Variants in CCDC7 observed in about 807,000 individuals in gnomAD.
The protein encoded by CCDC7 is coiled-coil domain-containing protein 7.
In CCDC7, 183 loss-of-function variants were observed where a neutral mutation model predicts 196.9. The observed-to-expected ratio is 0.93, with a 90% CI of 0.82 to 1.05. The LOEUF (loss-of-function observed/expected upper bound fraction) is 1.05, where lower values mean the gene tolerates loss of function less well. CCDC7 is among the 50% of genes least tolerant of loss of function. The pLI is 0.00. For missense variants in CCDC7, 1,540 were observed against 1,482.2 expected, an observed-to-expected ratio of 1.04 and a Z score of -0.64; for synonymous variants, 525 against 484.6, an observed-to-expected ratio of 1.08 and a Z score of -1.10.
At chr10:32,877,849 C>T (rs74128951), downstream of CCDC7, among the ~76,000 whole-genome samples, 10,458 of 152,140 alleles carry the variant, frequency 0.069, 1,146 homozygotes, top group African/African-American at 0.24. Flanking sequence ...CTGTGTGATT[C>T]TAATACGCAG....
At chr10:32,726,859 T>C (rs1433153908) in intron 26 of CCDC7, 27 bp downstream of exon 27, 3 of 1,243,358 alleles carry the variant, frequency 2.4e-6, no homozygotes, top group Non-Finnish European at 3.4e-6. Context: ...TAGATGACTT[T>C]AAATTATTTT....
In CCDC7 at chr10:32,846,457, AG is replaced by A; in HGVS notation, c.3688+1del. On this transcript the variant is annotated frameshift_variant and splice_region_variant, in exon 37 of 42. Transcript: ENST00000639629. LOFTEE classifies it high-confidence loss of function. Reference sequence around the variant, plus strand: ...ATCAGTGCACAATTAAAGAGTCACCAGGGTAAGAAAAATAATTTTTGAGTCT... The same window carrying A: ...ATCAGTGCACAATTAAAGAGTCACCAGGTAAGAAAAATAATTTTTGAGTCT... The A allele has an allele frequency of 6.4e-7, 1 of 1,573,134 alleles. No individual in the cohort carries two copies. Among genetic ancestry groups the A allele is most frequent in the South Asian group, 1.1e-5 (1 of 87,276 alleles).
intron 28 of CCDC7, among the ~76,000 whole-genome samples, chr10:32,777,796 G>A (rs541247997): frequency 9.2e-5 from 14 of 152,268 alleles, no homozygotes; most frequent in Non-Finnish European, 1.2e-4. Context: ...CCTGGGAGGC[G>A]GAGGTTGCAG....
rs576240162 is a variant in CCDC7, at chr10:32,832,757, T to C, written c.3269-2058T>C. Among the ~76,000 whole-genome samples, 38 of 152,284 alleles carry C rather than the reference T, an allele frequency of 2.5e-4. No individual in the cohort carries two copies. The South Asian group carries it at 7.5e-3, about 30-fold the overall frequency. On this transcript the variant is annotated intron_variant, in intron 32 of 41. Coordinates refer to ENST00000639629, the Ensembl canonical transcript of CCDC7. Reference sequence around the variant, plus strand: ...AAAAGCATTAGTGAAATAATTCTATTACATAATATTATATAAATGCATATT... The same window carrying C: ...AAAAGCATTAGTGAAATAATTCTATCACATAATATTATATAAATGCATATT...
chr10:32,718,010 G>A (rs2081881919), intron 25 of CCDC7, among the ~76,000 whole-genome samples: 2 of 151,956 alleles, frequency 1.3e-5, no homozygotes, highest in South Asian at 2.1e-4. Flanking sequence ...AGAGAAAGAG[G>A]GAATCTTCCC....
upstream of CCDC7, among the ~76,000 whole-genome samples, chr10:32,450,163 G>A (rs1011854546): frequency 6.6e-6 from 1 of 152,174 alleles, no homozygotes; most frequent in African/African-American, 2.4e-5. Flanking sequence ...GCAAAACCAT[G>A]TTCCCTGCTA....
At chr10:32,874,674 T>TACAC (rs560147234) in intron 41 of CCDC7, among the ~76,000 whole-genome samples, 3 of 149,110 alleles carry the variant, frequency 2.0e-5, no homozygotes, top group African/African-American at 7.5e-5. Context: ...TATATATACA[T>TACAC]ACACACACAC....
At chr10:32,602,635 A>G (rs1481148529) in intron 18 of CCDC7, among the ~76,000 whole-genome samples, 1 of 152,106 alleles carries the variant, frequency 6.6e-6, no homozygotes. Context: ...TTTTCTTAGA[A>G]TTCTGCTCTG....
At chr10:32,497,743 T>C (rs912124918) in intron 9 of CCDC7, among the ~76,000 whole-genome samples, 1 of 152,234 alleles carries the variant, frequency 6.6e-6, no homozygotes, top group Non-Finnish European at 1.5e-5. Context: ...TTGATTGCAC[T>C]GTGGTCTGAG....
Position 32,636,175 on chromosome 10 carries a change from G to A in CCDC7, c.2014+1017G>A, listed in dbSNP as rs140585414. Among the ~76,000 whole-genome samples, 130 of 152,186 alleles carry A rather than the reference G, an allele frequency of 8.5e-4. 1 individual carries two copies. In the East Asian group the frequency reaches 0.02, roughly 24 times the overall value. On this transcript the variant is annotated intron_variant, in intron 20 of 41. Transcript: ENST00000639629. ...TATTATTGAGTCATTAGCATATATT[G>A]CAAGTATAGTACTTAACACCACAGA...
chr10:32,721,924 G>A lies in CCDC7; in HGVS notation c.2570-4810G>A, dbSNP rs185615904. ...TCCTTTGTCTTGGGCAGTAGCCTCT[G>A]TGACAGTCACAAAGTCAGTACTGCC... On this transcript the variant is annotated intron_variant, in intron 25 of 41. Coordinates refer to ENST00000639629, the Ensembl canonical transcript of CCDC7. 8.7e-4 allele frequency among the ~76,000 whole-genome samples: 132 copies of A among 152,248 alleles called. 1 individual carries two copies. The highest frequency in any genetic ancestry group is 2.9e-3 in the African/African-American group (120 of 41,554).
chr10:32,580,423 G>A (rs950590551), intron 16 of CCDC7, among the ~76,000 whole-genome samples: 2 of 151,886 alleles, frequency 1.3e-5, no homozygotes, highest in African/African-American at 4.8e-5. Flanking sequence ...TTTCAGTTGA[G>A]GAGCCTAAAA....
chr10:32,726,259 G>A (rs2083101244), intron 25 of CCDC7, among the ~76,000 whole-genome samples: 1 of 151,674 alleles, frequency 6.6e-6, no homozygotes, highest in Non-Finnish European at 1.5e-5. Context: ...TACATAATAT[G>A]TATAGAATTA....
chr10:32,687,438 A>G (rs1013919959), intron 22 of CCDC7, among the ~76,000 whole-genome samples: 3 of 152,196 alleles, frequency 2.0e-5, no homozygotes, highest in Non-Finnish European at 4.4e-5. Flanking sequence ...ATACATCTAT[A>G]TCAATAATAT....
At chr10:32,638,109 A>G (rs925078903) in intron 20 of CCDC7, among the ~76,000 whole-genome samples, 2 of 152,328 alleles carry the variant, frequency 1.3e-5, no homozygotes, top group East Asian at 3.9e-4. Context: ...GAAGTTGCCT[A>G]ACAGCTTAAA....
chr10:32,645,063 A>C (rs1388658129), intron 20 of CCDC7, among the ~76,000 whole-genome samples: 5 of 152,242 alleles, frequency 3.3e-5, no homozygotes, highest in Admixed American at 1.3e-4. Context: ...TTCTCAAAAG[A>C]AGACATACAA....
At chr10:32,834,243 G>T (rs1802086668) in intron 32 of CCDC7, among the ~76,000 whole-genome samples, 1 of 152,076 alleles carries the variant, frequency 6.6e-6, no homozygotes, top group Non-Finnish European at 1.5e-5. Context: ...CACATAATTT[G>T]TAGTTACATA....
chr10:32,857,774 T>C (rs2093808503), intron 41 of CCDC7, among the ~76,000 whole-genome samples: 1 of 150,284 alleles, frequency 6.7e-6, no homozygotes, highest in Non-Finnish European at 1.5e-5. Context: ...ATAATAAAGA[T>C]TAGACCAGAA....
intron 31 of CCDC7, among the ~76,000 whole-genome samples, chr10:32,820,113 C>A (rs531072051): frequency 2.0e-5 from 3 of 152,344 alleles, no homozygotes; most frequent in East Asian, 1.9e-4. Flanking sequence ...GCAACTTCAG[C>A]AAAGTCTCCA....
Sources: gnomAD v4.1 joint callset for allele counts (sites outside exome capture counted in the v4.1 genomes callset) on GRCh38, gnomAD v4.1.1 for gene constraint, MANE v1.5 for transcripts, NCBI Gene and HGNC (gene_info 2026-07-23, HGNC 2026-07-21) for gene names.